The following GPATCH8 variants were observed in gnomAD, a reference collection of about 807,000 sequenced individuals.
GPATCH8 encodes G-patch domain containing 8.
GPATCH8 carries 18 observed loss-of-function variants against 118.3 expected under a neutral mutation model. That is an observed-to-expected ratio of 0.15 (90% CI 0.11 to 0.23). The LOEUF (loss-of-function observed/expected upper bound fraction) is 0.23. Among genes scored for constraint, GPATCH8 ranks in the 10% least tolerant of loss-of-function variants. The pLI, the probability that GPATCH8 is intolerant of heterozygous loss-of-function variation, is 1.00. For synonymous variants in GPATCH8, 659 were observed against 684.7 expected (o/e 0.96, Z 0.59); for missense variants, 1,631 against 1,873.8 (o/e 0.87, Z 2.39).
At chr17:44,446,120 A>T (rs879718709) in intron 3 of GPATCH8, among the ~76,000 whole-genome samples, 42 of 150,700 alleles carry the variant, frequency 2.8e-4, no homozygotes, top group African/African-American at 3.4e-4. Flanking sequence ...AAAAAAAAAA[A>T]ATTTTTTTTT....
rs1452825236 is a variant in GPATCH8, at chr17:44,483,177, ATATAT to A, written c.46-8279_46-8275del. ...CTCAAAAAAAAAAAAAAAAAAAAAA[ATATAT>A]ATATATATATATATATATATATATA... On this transcript the variant is annotated intron_variant, in intron 1 of 7. Transcript: ENST00000591680. Among the ~76,000 whole-genome samples the A allele has an allele frequency of 9.9e-3, 69 of 6,956 alleles. 6 individuals carry two copies. Among genetic ancestry groups the A allele is most frequent in the Non-Finnish European group, 0.013 (47 of 3,760 alleles). 4.6% of individuals were successfully genotyped at this position (6,956 alleles called of 152,430 possible).
intron 5 of GPATCH8, among the ~76,000 whole-genome samples, chr17:44,430,999 T>C (rs190164742): frequency 6.6e-6 from 1 of 152,038 alleles, no homozygotes; most frequent in Non-Finnish European, 1.5e-5. Context: ...AATCATTAAA[T>C]TGTAGTATTG....
chr17:44,469,003 GTTC>G (rs1361205261), intron 2 of GPATCH8, among the ~76,000 whole-genome samples: 15 of 152,206 alleles, frequency 9.9e-5, no homozygotes, highest in Middle Eastern at 3.4e-3. Context: ...TGGAAATGAA[GTTC>G]TTCTTCTAAT....
chr17:44,496,897 A>AC (rs372181200), intron 1 of GPATCH8, among the ~76,000 whole-genome samples: 1 of 152,330 alleles, frequency 6.6e-6, no homozygotes, highest in Middle Eastern at 3.4e-3. Flanking sequence ...ATTTGCTTAG[A>AC]CCTCCAGAGT....
chr17:44,490,121 C>A (rs1253933833), intron 1 of GPATCH8, among the ~76,000 whole-genome samples: 1 of 152,042 alleles, frequency 6.6e-6, no homozygotes, highest in Non-Finnish European at 1.5e-5. Flanking sequence ...AACACAGGGA[C>A]ACCCTATCTT....
At chr17:44,468,523 G>A (rs988985585) in intron 2 of GPATCH8, among the ~76,000 whole-genome samples, 6 of 151,400 alleles carry the variant, frequency 4.0e-5, no homozygotes, top group Non-Finnish European at 5.9e-5. Flanking sequence ...AAAGTGCTGG[G>A]ATTACAGGTG....
chr17:44,484,953 A>G (rs1301634501), intron 1 of GPATCH8, among the ~76,000 whole-genome samples: 1 of 151,440 alleles, frequency 6.6e-6, no homozygotes, highest in Non-Finnish European at 1.5e-5. Flanking sequence ...CTGAGACCAC[A>G]GGCACATGCC....
chr17:44,499,927 A>G (rs1969934827), intron 1 of GPATCH8, among the ~76,000 whole-genome samples: 1 of 152,018 alleles, frequency 6.6e-6, no homozygotes, highest in Admixed American at 6.5e-5. Flanking sequence ...TTAAAAGGCT[A>G]GACAAAAGAA....
intron 1 of GPATCH8, among the ~76,000 whole-genome samples, chr17:44,475,695 A>AAAACAAAC (rs569839785): frequency 6.6e-6 from 1 of 151,884 alleles, no homozygotes; most frequent in African/African-American, 2.4e-5. Flanking sequence ...CTCCATCTCA[A>AAAACAAAC]AAACAAACAA....
intron 1 of GPATCH8, among the ~76,000 whole-genome samples, chr17:44,483,758 C>T (rs778670729): frequency 2.0e-5 from 3 of 152,086 alleles, no homozygotes; most frequent in African/African-American, 4.8e-5. Flanking sequence ...TCTTGTGCCT[C>T]GGCCTCCCAA....
At chr17:44,414,149 A>G (rs1232633259) in intron 6 of GPATCH8, among the ~76,000 whole-genome samples, 4 of 34,152 alleles carry the variant, frequency 1.2e-4, no homozygotes, top group African/African-American at 2.8e-4. Context: ...ATATGTGTAT[A>G]TATATATGTG....
intron 6 of GPATCH8, among the ~76,000 whole-genome samples, chr17:44,414,444 A>G (rs1383653641): frequency 6.6e-6 from 1 of 151,986 alleles, no homozygotes; most frequent in Non-Finnish European, 1.5e-5. Context: ...AACAGCAGGG[A>G]CTACAGATGC....
intron 5 of GPATCH8, among the ~76,000 whole-genome samples, chr17:44,429,068 G>A (rs2050196912): frequency 6.6e-6 from 1 of 152,062 alleles, no homozygotes; most frequent in South Asian, 2.1e-4. Flanking sequence ...ATGAACCCGG[G>A]AGGCGGAGCT....
At chr17:44,444,033 G>A (rs1447898672) in intron 3 of GPATCH8, among the ~76,000 whole-genome samples, 2 of 152,024 alleles carry the variant, frequency 1.3e-5, no homozygotes, top group Non-Finnish European at 2.9e-5. Flanking sequence ...TGACCTAAAC[G>A]AATTTCCATC....
Position 44,397,287 on chromosome 17 carries a change from G to A in GPATCH8, c.*281C>T, listed in dbSNP as rs1052674676. On this transcript the variant is annotated 3_prime_UTR_variant, in exon 8 of 8. Coordinates refer to ENST00000591680, the MANE Select transcript of GPATCH8 (RefSeq NM_001002909.4). ...TATCTAAACTTGACAGTTTGGAGATGTTGCTGCAGAGGGGTGGGTAGCACT... is the reference window on the plus strand; with the variant it reads ...TATCTAAACTTGACAGTTTGGAGATATTGCTGCAGAGGGGTGGGTAGCACT... 1.1e-5 allele frequency: 7 copies of A among 608,922 alleles called. No individual in the cohort carries two copies. The highest frequency in any genetic ancestry group is 1.8e-5 in the Non-Finnish European group (6 of 326,180). 37.7% of individuals were successfully genotyped at this position (608,922 alleles called of 1,614,324 possible).
intron 6 of GPATCH8, chr17:44,407,259 T>C (rs1002066500): frequency 6.6e-6 from 1 of 150,804 alleles, no homozygotes; most frequent in Non-Finnish European, 1.5e-5. Flanking sequence ...TTGCTTTCAA[T>C]ACATCAGCTG....
intron 1 of GPATCH8, among the ~76,000 whole-genome samples, chr17:44,493,212 C>T (rs1002135959): frequency 7.2e-5 from 11 of 152,080 alleles, no homozygotes; most frequent in Admixed American, 5.2e-4. Context: ...AGGCATGCAC[C>T]ACTATGCTCA....
Position 44,479,106 on chromosome 17 carries a change from A to C in GPATCH8, c.46-4203T>G, listed in dbSNP as rs1598604019. On this transcript the variant is annotated intron_variant, in intron 1 of 7. Coordinates refer to ENST00000591680, the MANE Select transcript of GPATCH8 (RefSeq NM_001002909.4). ...TATCAAAGATGACATTTAAAGCACAAACACAGATTATTAGAGAACTACCAA... is the reference window on the plus strand; with the variant it reads ...TATCAAAGATGACATTTAAAGCACACACACAGATTATTAGAGAACTACCAA... Among the ~76,000 whole-genome samples the C allele has an allele frequency of 2.6e-5, 4 of 152,342 alleles. 1 individual carries two copies. The East Asian group carries it at 7.7e-4, about 29-fold the overall frequency.
At position 44,418,777 on chromosome 17, in the gene GPATCH8, T is replaced by C. The variant is rs1442828954; in HGVS notation, c.492+5572A>G. On this transcript the variant is annotated intron_variant, in intron 6 of 7. Transcript: ENST00000591680. ...GTCAGTGCTAATGTCTATTGAGCAT[T>C]CAGGTGTTATCAGAATTAACTCATG... Among the ~76,000 whole-genome samples, 3 of 152,228 alleles carry C rather than the reference T, an allele frequency of 2.0e-5. No homozygotes were observed. In the East Asian group the frequency reaches 5.8e-4, roughly 29 times the overall value.
Sources: gnomAD v4.1 joint callset for allele counts (sites outside exome capture counted in the v4.1 genomes callset) on GRCh38, gnomAD v4.1.1 for gene constraint, MANE v1.5 for transcripts, NCBI Gene and HGNC (gene_info 2026-07-23, HGNC 2026-07-21) for gene names.